The following RAD21 variants were observed in gnomAD, a reference collection of about 807,000 sequenced individuals.
The protein encoded by RAD21 is RAD21 cohesin complex component.
Under a neutral mutation model 71.5 loss-of-function variants are expected in RAD21, and 18 were observed. The observed-to-expected ratio is 0.25, with a 90% CI of 0.17 to 0.37. The LOEUF is 0.37. Ranked by LOEUF, RAD21 falls within the 10% of genes least tolerant of loss-of-function variation. The pLI is 1.00. For synonymous variants in RAD21, 248 were observed against 254.0 expected (o/e 0.98, Z 0.22); for missense variants, 493 against 769.1 (o/e 0.64, Z 4.25).
At chr8:116,872,718 G>A (rs1812855621) in intron 1 of RAD21, among the ~76,000 whole-genome samples, 2 of 152,184 alleles carry the variant, frequency 1.3e-5, no homozygotes, top group Admixed American at 6.5e-5. Flanking sequence ...AAACCTGAAA[G>A]GTTGAAATCT....
chr8:116,856,753 T>C lies in RAD21; in HGVS notation c.707A>G (p.Asn236Ser), dbSNP rs545660310. The C allele has an allele frequency of 2.3e-5, 35 of 1,538,656 alleles. No homozygotes were observed. The South Asian group carries it at 3.7e-4, about 16-fold the overall frequency. Residue 236 changes from asparagine to serine, a missense_variant, in exon 7 of 14, where the codon AAT becomes AGT. Physicochemically the swap from Asn to Ser is conservative, Grantham distance 46. Transcript: ENST00000297338. ...ATCATCAAAGATACCGCCATCATTA[T>C]TACTAATAAGTTTGTCATCTGAAAT... ...GGILDDKLIS[N>S]NDGGIFDDPP...
At chr8:116,854,704 T>C (rs1812425989) in intron 8 of RAD21, among the ~76,000 whole-genome samples, 1 of 152,156 alleles carries the variant, frequency 6.6e-6, no homozygotes, top group Admixed American at 6.5e-5. Flanking sequence ...GTATAGACTT[T>C]TAGCACAAAA....
intron 4 of RAD21, among the ~76,000 whole-genome samples, chr8:116,860,363 C>T (rs577128096): frequency 6.6e-6 from 1 of 152,254 alleles, no homozygotes; most frequent in African/African-American, 2.4e-5. Context: ...AGTTCTACTG[C>T]GGGTAAAACG....
At position 116,847,341 on chromosome 8, in the gene RAD21, G is replaced by A. The variant is rs1229993738; in HGVS notation, c.*159C>T. ...ATCAGTTTCCCTCAAAGATGAAATT[G>A]ACAAATTTAATGTACTGGAAAAAAA... On this transcript the variant is annotated 3_prime_UTR_variant, in exon 14 of 14. Coordinates refer to ENST00000297338, the MANE Select transcript of RAD21 (RefSeq NM_006265.3). The A allele has an allele frequency of 6.6e-6, 4 of 606,476 alleles. No homozygotes were observed. The highest frequency in any genetic ancestry group is 3.8e-5 in the African/African-American group (2 of 53,222). 37.6% of individuals were successfully genotyped at this position (606,476 alleles called of 1,614,324 possible). A position where few individuals can be genotyped will look rare whatever the true frequency, so the allele number is the denominator to read the frequency against.
chr8:116,873,082 A>G (rs1205584099), intron 1 of RAD21, among the ~76,000 whole-genome samples: 1 of 152,252 alleles, frequency 6.6e-6, no homozygotes, highest in Admixed American at 6.5e-5. Context: ...TCTTGCAGCA[A>G]AACATTAACC....
At chr8:116,866,875 T>A (rs1039256241) in intron 1 of RAD21, 114 bp from the exon 2 acceptor site, 6 of 604,066 alleles carry the variant, frequency 9.9e-6, no homozygotes, top group Non-Finnish European at 1.5e-5. Context: ...TATAAAATGC[T>A]TGAGTAAATG....
chr8:116,866,861 A>G (rs1812705292), intron 1 of RAD21, 100 bp from the exon 2 acceptor site: 1 of 704,482 alleles, frequency 1.4e-6, no homozygotes, highest in Non-Finnish European at 2.1e-6. Context: ...TTTAATATGA[A>G]AACTATAAAA....
chr8:116,860,690 G>A (rs17435839), intron 4 of RAD21, among the ~76,000 whole-genome samples: 3,589 of 152,142 alleles, frequency 0.024, 144 homozygotes, highest in African/African-American at 0.081. Context: ...ACTTTTATAG[G>A]CACTGTGAAA....
chr8:116,872,879 CA>C (rs1812861321), intron 1 of RAD21, among the ~76,000 whole-genome samples: 1 of 152,248 alleles, frequency 6.6e-6, no homozygotes, highest in East Asian at 1.9e-4. Flanking sequence ...ATCCTTTGAC[CA>C]AGAGTTTTAC....
chr8:116,850,689 G>A lies in RAD21; in HGVS notation c.1549C>T (p.Pro517Ser). ...EEPPNICQLI[P>S]ELELLPEKEK... is the part of the protein sequence containing the mutation. The stretch of plus-strand genomic sequence containing the variant: ...TTTTCTGGCAGAAGTTCTAACTCTG[G>A]TATTAGCTGACAGATATTTGGAGGT... The change falls in exon 12 of 14, where the codon CCA becomes TCA. Residue 517 changes from proline to serine, a missense_variant. Physicochemically the swap from Pro to Ser is moderately conservative, Grantham distance 74. This residue lies in a region of RAD21 where 225 missense variants were observed against 218.3 expected (regional missense o/e 1.03). Transcript: ENST00000297338. 2 of 1,612,914 alleles carry A rather than the reference G, an allele frequency of 1.2e-6. No individual in the cohort carries two copies. Among genetic ancestry groups the A allele is most frequent in the Non-Finnish European group, 1.7e-6 (2 of 1,179,208 alleles).
chr8:116,851,815 C>A (rs1812354967), intron 11 of RAD21, 133 bp downstream of exon 11: 1 of 920,994 alleles, frequency 1.1e-6, no homozygotes, highest in African/African-American at 1.6e-5. Context: ...TCCTGTTGCT[C>A]TTCTTCCTCT....
Position 116,863,187 on chromosome 8 carries a change from A to G in RAD21, c.217T>C (p.Tyr73His). 1 of 1,612,420 alleles carries G rather than the reference A, an allele frequency of 6.2e-7. No individual in the cohort carries two copies. The highest frequency in any genetic ancestry group is 8.5e-7 in the Non-Finnish European group (1 of 1,178,788). ...GCTTCATTACAGTCTGCAAGAAGGT[A>G]TTTGGCTTTCCTGTGATAGATTCGA... Reference protein sequence around the residue: ...VVRIYHRKAKYLLADCNEAFI... With the variant: ...VVRIYHRKAKHLLADCNEAFI... Residue 73 changes from tyrosine (Y) to histidine (H), a missense_variant, in exon 3 of 14, where the codon TAC becomes CAC. Around this residue, in one of 5 missense-constraint regions of RAD21, gnomAD observed 27 missense variants for 144.1 expected, o/e 0.19. Coordinates refer to ENST00000297338, the MANE Select transcript of RAD21 (RefSeq NM_006265.3).
intron 9 of RAD21, among the ~76,000 whole-genome samples, chr8:116,853,967 ATAAC>A (rs1563689309): frequency 6.6e-6 from 1 of 152,230 alleles, no homozygotes; most frequent in African/African-American, 2.4e-5. Flanking sequence ...CTAAGACGAT[ATAAC>A]TAATAATTTA....
intron 5 of RAD21, 85 bp downstream of exon 5, chr8:116,858,261 TTCTGTC>T: frequency 1.0e-6 from 1 of 963,838 alleles, no homozygotes; most frequent in Non-Finnish European, 1.5e-6. Context: ...TTTTAAGTCT[TTCTGTC>T]TATAGTCTGG....
chr8:116,854,876 T>C (rs1812430038), intron 8 of RAD21, among the ~76,000 whole-genome samples: 1 of 152,202 alleles, frequency 6.6e-6, no homozygotes, highest in Non-Finnish European at 1.5e-5. Flanking sequence ...TTGTAAATAC[T>C]GTTATTTTTA....
chr8:116,866,761 C>A lies in RAD21; in HGVS notation c.-32G>T. 2 of 1,533,506 alleles carry A rather than the reference C, an allele frequency of 1.3e-6. No individual in the cohort carries two copies. The highest frequency in any genetic ancestry group is 2.3e-5 in the East Asian group (1 of 43,076). The allele number at this position is 1,533,506 out of a possible 1,614,324, so 95.0% of individuals were successfully genotyped here. On this transcript the variant is annotated splice_region_variant and 5_prime_UTR_variant, in exon 2 of 14. Transcript: ENST00000297338. The stretch of plus-strand genomic sequence containing the variant: ...GGCTGGCTATGAAAACAGAAGAAAA[C>A]CTAAGAGGGGAAAAAAAAGTTAATG...
chr8:116,855,914 CACAG>C (rs957744083), intron 8 of RAD21, among the ~76,000 whole-genome samples: 2 of 152,082 alleles, frequency 1.3e-5, no homozygotes, highest in East Asian at 1.9e-4. Flanking sequence ...CAGCAACTTG[CACAG>C]ACATTCTACA....
Position 116,863,678 on chromosome 8 carries a change from T to C in RAD21, c.145-419A>G, listed in dbSNP as rs1812634270. On this transcript the variant is annotated intron_variant, in intron 2 of 13. Coordinates refer to ENST00000297338, the MANE Select transcript of RAD21 (RefSeq NM_006265.3). Reference sequence around the variant, plus strand: ...ACAGTTCAGCCAATTGAGTAATAGGTGAAGTATGCCAGAGAGTTTCTGAGA... The same window carrying C: ...ACAGTTCAGCCAATTGAGTAATAGGCGAAGTATGCCAGAGAGTTTCTGAGA... Among the ~76,000 whole-genome samples, 2 of 152,076 alleles carry C rather than the reference T, an allele frequency of 1.3e-5. 1 individual carries two copies. The highest frequency in any genetic ancestry group is 4.1e-4 in the South Asian group (2 of 4,830).
intron 9 of RAD21, among the ~76,000 whole-genome samples, chr8:116,853,934 C>G (rs1374993103): frequency 1.3e-5 from 2 of 152,126 alleles, no homozygotes; most frequent in Non-Finnish European, 2.9e-5. Flanking sequence ...GAAAACATTT[C>G]AAGAATTCAG....
Sources: allele counts gnomAD v4.1 joint callset (sites outside exome capture counted in the v4.1 genomes callset), GRCh38; gene constraint gnomAD v4.1.1; regional missense constraint gnomAD v4.1.1; transcripts MANE v1.5; gene names NCBI Gene and HGNC (gene_info 2026-07-23, HGNC 2026-07-21).